P3H3: variants seen among roughly 807,000 people sequenced by gnomAD.
The protein encoded by P3H3 is gene rich cluster, B.
P3H3 carries 64 observed loss-of-function variants against 78.1 expected under a neutral mutation model. The observed-to-expected ratio is 0.82, with a 90% CI of 0.67 to 1.01. The LOEUF (loss-of-function observed/expected upper bound fraction) is 1.01. P3H3 is among the 50% of genes least tolerant of loss of function. The pLI, the probability that P3H3 is intolerant of heterozygous loss-of-function variation, is 0.00. For synonymous variants in P3H3, 425 were observed against 416.7 expected (o/e 1.02, Z -0.24); for missense variants, 975 against 982.2 (o/e 0.99, Z 0.10).
At chr12:6,833,846 G>A (rs368253419) in intron 8 of P3H3, 37 bp downstream of exon 8, 1 of 1,612,216 alleles carries the variant, frequency 6.2e-7, no homozygotes, top group African/African-American at 1.3e-5. Flanking sequence ...GAGCCTGGAG[G>A]GTCTGGGGGC....
intron 6 of P3H3, among the ~76,000 whole-genome samples, chr12:6,832,294 C>A (rs1033346197): frequency 6.6e-6 from 1 of 152,172 alleles, no homozygotes; most frequent in East Asian, 1.9e-4. Context: ...AACTGCGGGG[C>A]GGAGGTTATC....
intron 11 of P3H3, 69 bp downstream of exon 11, chr12:6,837,642 G>A: frequency 6.3e-7 from 1 of 1,581,440 alleles, no homozygotes; most frequent in South Asian, 1.1e-5. Flanking sequence ...GCCCCCAAGA[G>A]CCCCGGGGTG....
At chr12:6,838,148 T>C (rs1943519507) in intron 13 of P3H3, 115 bp downstream of exon 13, 2 of 1,389,554 alleles carry the variant, frequency 1.4e-6, no homozygotes, top group African/African-American at 2.9e-5. Flanking sequence ...TTTAACCCTT[T>C]CACTTCCCCG....
At position 6,830,518 on chromosome 12, in the gene P3H3, G is replaced by A; in HGVS notation, c.817G>A (p.Ala273Thr). The stretch of plus-strand genomic sequence containing the variant: ...GGGGGCTGAAGAAGAGGAGGATGGG[G>A]CTGCGAGCCAGGGGGGCCTCTATGA... Reference protein sequence around the residue: ...QQGAEEEEDGAASQGGLYEAI... With the variant: ...QQGAEEEEDGTASQGGLYEAI... Residue 273 changes from alanine (A) to threonine (T), a missense_variant, in exon 3 of 15, where the codon GCT (alanine) becomes ACT (threonine). Coordinates refer to ENST00000290510, the MANE Select transcript of P3H3 (RefSeq NM_014262.5). The A allele has an allele frequency of 6.3e-7, 1 of 1,576,874 alleles. No individual in the cohort carries two copies. Among genetic ancestry groups the A allele is most frequent in the Non-Finnish European group, 8.6e-7 (1 of 1,161,924 alleles).
intron 4 of P3H3, 136 bp downstream of exon 4, chr12:6,830,906 C>A: frequency 7.6e-7 from 1 of 1,323,592 alleles, no homozygotes; most frequent in Non-Finnish European, 1.1e-6. Flanking sequence ...CATCACTTCA[C>A]AAGGACTCTA....
At position 6,837,719 on chromosome 12, in the gene P3H3, C is replaced by T. The variant is rs781973016; in HGVS notation, c.1712-13C>T. On this transcript the variant is annotated splice_polypyrimidine_tract_variant and intron_variant, in intron 11 of 14. Coordinates refer to ENST00000290510, the MANE Select transcript of P3H3 (RefSeq NM_014262.5). ...GGGGCACAGAGGTACCCCCAGACCC[C>T]TTTGTGTCCTAGGAGAGCAAGAGCA... 3.1e-6 allele frequency: 5 copies of T among 1,607,516 alleles called. No homozygotes were observed. Among genetic ancestry groups the T allele is most frequent in the Non-Finnish European group, 3.4e-6 (4 of 1,176,940 alleles).
chr12:6,828,456 C>G lies in P3H3; in HGVS notation c.16C>G (p.Arg6Gly). 1 of 1,092,396 alleles carries G rather than the reference C, an allele frequency of 9.2e-7. No homozygotes were observed. Among genetic ancestry groups the G allele is most frequent in the Non-Finnish European group, 1.3e-6 (1 of 783,348 alleles). The allele number at this position is 1,092,396 out of a possible 1,614,324, so 67.7% of individuals were successfully genotyped here. A position where few individuals can be genotyped will look rare whatever the true frequency, so the allele number is the denominator to read the frequency against. The part of the protein sequence containing the change: MLRLL[R>G]PLLLLLLLPP... ...CTCCGACATCATGCTCCGGCTCCTCCGGCCGCTGCTGCTACTGCTGCTGCT... is the reference window on the plus strand; with the variant it reads ...CTCCGACATCATGCTCCGGCTCCTCGGGCCGCTGCTGCTACTGCTGCTGCT... Residue 6 changes from arginine to glycine, a missense_variant, in exon 1 of 15, where the codon CGG (arginine) becomes GGG (glycine). By Grantham distance (125) the Arg-to-Gly change is moderately radical. Transcript: ENST00000290510.
chr12:6,835,836 G>A (rs1943490586), intron 9 of P3H3, among the ~76,000 whole-genome samples: 1 of 152,100 alleles, frequency 6.6e-6, no homozygotes, highest in African/African-American at 2.4e-5. Context: ...GGAATCAGGT[G>A]CAGGGTCTGG....
rs1565511781 is a variant in P3H3 at position 6,831,232 on chromosome 12, G to A, written c.1002G>A (p.Gln334=). ...EAHAQVGNLS[Q]AIENVLSVLL... Reference sequence around the variant, plus strand: ...CCTCTCCAGTGGGCAATCTGTCCCAGGCTATAGAAAATGTCCTGAGTGTCC... The same window carrying A: ...CCTCTCCAGTGGGCAATCTGTCCCAAGCTATAGAAAATGTCCTGAGTGTCC... Residue 334 remains glutamine, a synonymous_variant, in exon 5 of 15, where the codon CAG becomes CAA. Coordinates refer to ENST00000290510, the MANE Select transcript of P3H3 (RefSeq NM_014262.5). The surrounding 1 kb of genome is among the most constrained non-coding windows in gnomAD (Gnocchi z 4.6). The A allele has an allele frequency of 6.2e-7, 1 of 1,613,840 alleles. No individual in the cohort carries two copies. The highest frequency in any genetic ancestry group is 1.3e-5 in the African/African-American group (1 of 74,988).
At chr12:6,835,498 C>T (rs12318714) in intron 9 of P3H3, among the ~76,000 whole-genome samples, 31,261 of 151,844 alleles carry the variant, frequency 0.21, 3,634 homozygotes, top group East Asian at 0.35. Flanking sequence ...GCAGGAGAAT[C>T]GCTTGGACCC....
In P3H3 at chr12:6,828,428, C is replaced by A. The variant is rs1405174103; in HGVS notation, c.-13C>A. ...TCCCGCATTTCCCCTCGGCTGCCGGCGGCTCCGACATCATGCTCCGGCTCC... is the reference window on the plus strand; with the variant it reads ...TCCCGCATTTCCCCTCGGCTGCCGGAGGCTCCGACATCATGCTCCGGCTCC... On this transcript the variant is annotated 5_prime_UTR_variant, in exon 1 of 15. Transcript: ENST00000290510. 3 of 626,456 alleles carry A rather than the reference C, an allele frequency of 4.8e-6. No homozygotes were observed. Among genetic ancestry groups the A allele is most frequent in the Non-Finnish European group, 7.8e-6 (3 of 384,226 alleles). 38.8% of individuals were successfully genotyped at this position (626,456 alleles called of 1,614,324 possible).
chr12:6,833,857 T>C, intron 8 of P3H3, 48 bp downstream of exon 8: 1 of 1,612,958 alleles, frequency 6.2e-7, no homozygotes, highest in South Asian at 1.1e-5. Context: ...GTCTGGGGGC[T>C]GCCAGCTACT....
chr12:6,839,675 G>T lies in P3H3; in HGVS notation c.*214G>T. The T allele has an allele frequency of 1.6e-6, 1 of 616,594 alleles. No homozygotes were observed. The highest frequency in any genetic ancestry group is 2.7e-6 in the Non-Finnish European group (1 of 364,080). 38.2% of individuals were successfully genotyped at this position (616,594 alleles called of 1,614,324 possible). ...CTCACCAGGCCTGGGGAGCTGGGAC[G>T]GGGCCCCGCTGCCGGACCTGCAGCC... is the stretch of plus-strand genomic sequence containing the variant. On this transcript the variant is annotated 3_prime_UTR_variant, in exon 15 of 15. Coordinates refer to ENST00000290510, the MANE Select transcript of P3H3 (RefSeq NM_014262.5).
At position 6,838,025 on chromosome 12, in the gene P3H3, A is replaced by T; in HGVS notation, c.1897A>T (p.Thr633Ser). ...GTTCTTCACGGAGCCCAACGCCCTC[A>T]CTGTCACGGTGCGTGGAGTGGGGGG... is the stretch of plus-strand genomic sequence containing the variant. ...DLFFTEPNAL[T>S]VTARVRPRCG... is the part of the protein sequence containing the mutation. Residue 633 changes from threonine to serine, a missense_variant, in exon 13 of 15, where the codon ACT (threonine) becomes TCT (serine). By Grantham distance (58) the Thr-to-Ser change is moderately conservative. Transcript: ENST00000290510. The T allele has an allele frequency of 6.2e-7, 1 of 1,604,062 alleles. No homozygotes were observed. Among genetic ancestry groups the T allele is most frequent in the South Asian group, 1.1e-5 (1 of 89,240 alleles).
At position 6,839,478 on chromosome 12, in the gene P3H3, C is replaced by T; in HGVS notation, c.*17C>T. The T allele has an allele frequency of 6.5e-7, 1 of 1,548,112 alleles. No individual in the cohort carries two copies. Among genetic ancestry groups the T allele is most frequent in the Non-Finnish European group, 8.7e-7 (1 of 1,145,630 alleles). ...GAGCTGTGAGTGGCTGAGCCAGCTC[C>T]TTGAGGATGTGGCCACTTGACTTGT... On this transcript the variant is annotated 3_prime_UTR_variant, in exon 15 of 15. Coordinates refer to ENST00000290510, the MANE Select transcript of P3H3 (RefSeq NM_014262.5).
rs1555121415 is a variant in P3H3 at position 6,831,432 on chromosome 12, C to T, written c.1122+80C>T. On this transcript the variant is annotated intron_variant, in intron 5 of 14. Coordinates refer to ENST00000290510, the MANE Select transcript of P3H3 (RefSeq NM_014262.5). The surrounding 1 kb of genome is among the most constrained non-coding windows in gnomAD (Gnocchi z 4.6). ...CTGAGAAGTAACCTGGACCCCCACC[C>T]CCCGCTGGCCTCTTACCCGAGCACT... 26 of 1,567,822 alleles carry T rather than the reference C, an allele frequency of 1.7e-5. No individual in the cohort carries two copies. Among genetic ancestry groups the T allele is most frequent in the Non-Finnish European group, 2.2e-5 (26 of 1,158,754 alleles).
In P3H3 at chr12:6,830,560, G is replaced by T. The variant is rs1465103772; in HGVS notation, c.853+6G>T. On this transcript the variant is annotated splice_donor_region_variant and intron_variant, in intron 3 of 14. Coordinates refer to ENST00000290510, the MANE Select transcript of P3H3 (RefSeq NM_014262.5). ...CCTCTATGAGGCCATTGCAGGTAAGGGTCCCGTGTGTGAGGGGGTGGGTCG... is the reference window on the plus strand; with the variant it reads ...CCTCTATGAGGCCATTGCAGGTAAGTGTCCCGTGTGTGAGGGGGTGGGTCG... 6.3e-7 allele frequency: 1 copy of T among 1,575,264 alleles called. No individual in the cohort carries two copies. The highest frequency in any genetic ancestry group is 2.3e-5 in the East Asian group (1 of 44,134).
In P3H3 at chr12:6,830,340, C is replaced by G. The variant is rs1815615409; in HGVS notation, c.652-13C>G. Reference sequence around the variant, plus strand: ...CTGGATCTTAGGTGACTGACTGCTCCCTTCCCCAACAGGCAGCCTATGACA... The same window carrying G: ...CTGGATCTTAGGTGACTGACTGCTCGCTTCCCCAACAGGCAGCCTATGACA... On this transcript the variant is annotated splice_polypyrimidine_tract_variant and intron_variant, in intron 2 of 14. Coordinates refer to ENST00000290510, the MANE Select transcript of P3H3 (RefSeq NM_014262.5). 1 of 1,568,182 alleles carries G rather than the reference C, an allele frequency of 6.4e-7. No homozygotes were observed. Among genetic ancestry groups the G allele is most frequent in the Non-Finnish European group, 8.6e-7 (1 of 1,157,842 alleles).
At position 6,837,489 on chromosome 12, in the gene P3H3, C is replaced by T. The variant is rs1370169177; in HGVS notation, c.1627C>T (p.Arg543Trp). 2.1e-5 allele frequency: 34 copies of T among 1,611,218 alleles called. No homozygotes were observed. Among genetic ancestry groups the T allele is most frequent in the Admixed American group, 1.5e-4 (9 of 59,648 alleles). Residue 543 changes from arginine (R) to tryptophan (W), a missense_variant, in exon 11 of 15, where the codon CGG becomes TGG. Coordinates refer to ENST00000290510, the MANE Select transcript of P3H3 (RefSeq NM_014262.5). ...KLLLEVSERV[R>W]TLTQAYFSPE... ...GCTTCTGGAGGTGAGCGAGCGGGTG[C>T]GGACCTTGACCCAGGCCTACTTCTC... is the stretch of plus-strand genomic sequence containing the variant.
Sources: gnomAD v4.1 joint callset for allele counts (sites outside exome capture counted in the v4.1 genomes callset) on GRCh38, gnomAD v4.1.1 for gene constraint, Gnocchi (gnomAD v3.1) non-coding constraint, MANE v1.5 for transcripts, NCBI Gene and HGNC (gene_info 2026-07-23, HGNC 2026-07-21) for gene names.